The following CCDC192 variants were observed in gnomAD, a reference collection of about 807,000 sequenced individuals.
CCDC192 encodes the protein coiled-coil domain-containing protein 192.
At chr5:127,868,011 T>TC (rs1431203602) in intron 5 of CCDC192, among the ~76,000 whole-genome samples, 1 of 145,006 alleles carries the variant, frequency 6.9e-6, no homozygotes, top group Non-Finnish European at 1.5e-5. Context: ...TTCTTTTTCT[T>TC]TTTTTTTTTT....
intron 5 of CCDC192, among the ~76,000 whole-genome samples, chr5:127,816,882 G>A (rs894442863): frequency 1.3e-5 from 2 of 152,264 alleles, no homozygotes; most frequent in Non-Finnish European, 2.9e-5. Context: ...GTGGGTCTCA[G>A]ATAAAAGAAA....
chr5:127,727,642 A>G (rs909844749), intron 2 of CCDC192, among the ~76,000 whole-genome samples: 2 of 152,190 alleles, frequency 1.3e-5, no homozygotes, highest in Non-Finnish European at 2.9e-5. Flanking sequence ...TCTGCTCCAA[A>G]TGATCACAAC....
intron 5 of CCDC192, among the ~76,000 whole-genome samples, chr5:127,818,009 G>T (rs17164647): frequency 1.3e-5 from 2 of 152,054 alleles, no homozygotes; most frequent in East Asian, 1.9e-4. Flanking sequence ...GAAAATATCC[G>T]TAAAAATAGT....
Position 127,918,216 on chromosome 5 carries a change from T to TAAAAAAAAAA in CCDC192, c.536-22956_536-22947dup, listed in dbSNP as rs1219307107. On this transcript the variant is annotated intron_variant, in intron 6 of 6. Coordinates refer to ENST00000514853, the MANE Select transcript of CCDC192 (RefSeq NM_001317938.2). ...AGGGTTGCCAGACACCTTCAATTTG[T>TAAAAAAAAAA]AAAAAAAAAAAAAAAAAAAGTAGTA... is the stretch of plus-strand genomic sequence containing the variant. 1.4e-3 allele frequency among the ~76,000 whole-genome samples: 144 copies of TAAAAAAAAAA among 100,346 alleles called. 4 individuals carry two copies. The highest frequency in any genetic ancestry group is 6.1e-3 in the African/African-American group (134 of 22,126). The allele number at this position is 100,346 out of a possible 152,430, so 65.8% of individuals were successfully genotyped here.
intron 3 of CCDC192, among the ~76,000 whole-genome samples, chr5:127,773,991 A>G (rs1395627610): frequency 6.6e-6 from 1 of 152,142 alleles, no homozygotes; most frequent in Non-Finnish European, 1.5e-5. Flanking sequence ...TGTGGTTTTG[A>G]TTTGTACTAC....
At chr5:127,755,276 C>A (rs1177922843) in intron 3 of CCDC192, among the ~76,000 whole-genome samples, 1 of 152,096 alleles carries the variant, frequency 6.6e-6, no homozygotes, top group Admixed American at 6.5e-5. Context: ...GGTAGTCTCC[C>A]TGTATAGTGA....
intron 3 of CCDC192, among the ~76,000 whole-genome samples, chr5:127,756,652 A>C (rs13182486): frequency 0.48 from 73,064 of 152,108 alleles, 18,223 homozygotes; most frequent in African/African-American, 0.61. Context: ...GGCTGCATGA[A>C]CCCTAAATTG....
intron 5 of CCDC192, among the ~76,000 whole-genome samples, chr5:127,818,273 G>T (rs1304550086): frequency 6.6e-6 from 1 of 152,106 alleles, no homozygotes; most frequent in Non-Finnish European, 1.5e-5. Flanking sequence ...TTTAACATCA[G>T]TCTTATGCAT....
chr5:127,735,581 G>C (rs1259583506), intron 2 of CCDC192, among the ~76,000 whole-genome samples: 25 of 98,260 alleles, frequency 2.5e-4, no homozygotes, highest in Non-Finnish European at 3.7e-4. Context: ...TCTTCCATTT[G>C]TTTGTATCCT....
chr5:127,711,661 TAATG>T lies in CCDC192; in HGVS notation c.114+3905_114+3908del, dbSNP rs367956723. ...TTTGATGAGCAAACTTTCAAATCGT[TAATG>T]AATCAAGGTTATCAATATATCATTT... On this transcript the variant is annotated intron_variant, in intron 2 of 6. Coordinates refer to ENST00000514853, the MANE Select transcript of CCDC192 (RefSeq NM_001317938.2). Among the ~76,000 whole-genome samples the T allele has an allele frequency of 3.0e-3, 458 of 152,330 alleles. 2 individuals carry two copies. Among genetic ancestry groups the T allele is most frequent in the African/African-American group, 0.01 (420 of 41,590 alleles).
intron 3 of CCDC192, among the ~76,000 whole-genome samples, chr5:127,763,350 C>T (rs1755035582): frequency 6.6e-6 from 1 of 152,176 alleles, no homozygotes; most frequent in South Asian, 2.1e-4. Flanking sequence ...GCCTCATATG[C>T]AATCAATTGC....
intron 3 of CCDC192, among the ~76,000 whole-genome samples, chr5:127,764,642 G>A (rs992236273): frequency 6.6e-6 from 1 of 152,040 alleles, no homozygotes; most frequent in Non-Finnish European, 1.5e-5. Context: ...ACTCTGGGGT[G>A]TCTAATCTTT....
intron 5 of CCDC192, among the ~76,000 whole-genome samples, chr5:127,849,060 T>A (rs545543399): frequency 1.2e-4 from 18 of 152,084 alleles, no homozygotes; most frequent in Admixed American, 4.6e-4. Context: ...TGAAACCCCA[T>A]CTCTACTAAA....
At chr5:127,751,342 TGTA>T (rs1237610031) in intron 2 of CCDC192, among the ~76,000 whole-genome samples, 2 of 152,062 alleles carry the variant, frequency 1.3e-5, no homozygotes, top group African/African-American at 4.8e-5. Context: ...TTTGCTTGTC[TGTA>T]AAGTATTTTA....
chr5:127,768,802 A>G (rs1026201524), intron 3 of CCDC192, among the ~76,000 whole-genome samples: 2 of 152,216 alleles, frequency 1.3e-5, no homozygotes, highest in African/African-American at 4.8e-5. Flanking sequence ...TTGAAATGAG[A>G]CTAAACCCGT....
At chr5:127,775,118 T>C (rs1755782273) in intron 3 of CCDC192, among the ~76,000 whole-genome samples, 1 of 152,214 alleles carries the variant, frequency 6.6e-6, no homozygotes, top group South Asian at 2.1e-4. Flanking sequence ...TCTGAGGCCT[T>C]GGTGACCCTG....
At chr5:127,833,866 A>T (rs1485235627) in intron 5 of CCDC192, among the ~76,000 whole-genome samples, 1 of 152,180 alleles carries the variant, frequency 6.6e-6, no homozygotes, top group African/African-American at 2.4e-5. Context: ...CTTCTATCAT[A>T]CACCAGAAAA....
intron 6 of CCDC192, among the ~76,000 whole-genome samples, chr5:127,894,043 A>T (rs1752802711): frequency 6.6e-6 from 1 of 152,032 alleles, no homozygotes; most frequent in South Asian, 2.1e-4. Context: ...AAAAGAGTTG[A>T]GACAAAGCTG....
At chr5:127,731,931 C>T (rs1752661735) in intron 2 of CCDC192, among the ~76,000 whole-genome samples, 1 of 152,126 alleles carries the variant, frequency 6.6e-6, no homozygotes. Flanking sequence ...CAATACCATT[C>T]AGGACACAGG....
Sources: allele counts gnomAD v4.1 joint callset (sites outside exome capture counted in the v4.1 genomes callset), GRCh38; gene constraint gnomAD v4.1.1; transcripts MANE v1.5; gene names NCBI Gene and HGNC (gene_info 2026-07-23, HGNC 2026-07-21).